PPP1R2: variants seen among roughly 807,000 people sequenced by gnomAD.
The protein encoded by PPP1R2 is protein phosphatase 1 regulatory inhibitor subunit 2, also known as protein phosphatase inhibitor 2.
PPP1R2 carries 16 observed loss-of-function variants against 29.9 expected under a neutral mutation model. That is an observed-to-expected ratio of 0.53 (90% CI 0.36 to 0.81). The LOEUF (loss-of-function observed/expected upper bound fraction) is 0.81, where lower values mean the gene tolerates loss of function less well. Among genes scored for constraint, PPP1R2 ranks in the 30% least tolerant of loss-of-function variants. The pLI is 0.00. For missense variants in PPP1R2, 197 were observed against 252.7 expected (o/e 0.78, Z 1.49); for synonymous variants, 76 against 91.5 (o/e 0.83, Z 0.96).
chr3:195,531,565 C>T (rs568691699), intron 1 of PPP1R2, among the ~76,000 whole-genome samples: 1 of 152,214 alleles, frequency 6.6e-6, no homozygotes, highest in Non-Finnish European at 1.5e-5. Flanking sequence ...GCTTTCTACC[C>T]TAATATACCC....
At position 195,516,888 on chromosome 3, in the gene PPP1R2, A is replaced by G. The variant is rs1442386993; in HGVS notation, c.*8T>C. On this transcript the variant is annotated 3_prime_UTR_variant, in exon 6 of 6. Transcript: ENST00000618156. ...TAACAAACAATTGCAGTGTTGAACA[A>G]ATCTCGTCTATGAACTTCGTAATTT... 2 of 1,610,234 alleles carry G rather than the reference A, an allele frequency of 1.2e-6. No individual in the cohort carries two copies. The highest frequency in any genetic ancestry group is 2.2e-5 in the South Asian group (2 of 90,986).
At chr3:195,517,575 C>A (rs1718593435) in intron 5 of PPP1R2, among the ~76,000 whole-genome samples, 1 of 152,022 alleles carries the variant, frequency 6.6e-6, no homozygotes, top group Non-Finnish European at 1.5e-5. Context: ...AAATTTTAAT[C>A]CTCCATTAAA....
rs369854862 is a variant in PPP1R2 at position 195,541,029 on chromosome 3, T to C, written c.122+1875A>G. 2.1e-4 allele frequency among the ~76,000 whole-genome samples: 32 copies of C among 152,388 alleles called. 2 individuals are homozygous for C. In the South Asian group the frequency reaches 4.3e-3, roughly 21 times the overall value. On this transcript the variant is annotated intron_variant, in intron 1 of 5. Coordinates refer to ENST00000618156, the MANE Select transcript of PPP1R2 (RefSeq NM_006241.8). ...TGAACTTCAATGAATTAGGGTTTGA[T>C]AGTTCTCTTTAAAGACAGGACTGTA...
chr3:195,537,098 C>T (rs1719417011), intron 1 of PPP1R2, among the ~76,000 whole-genome samples: 1 of 151,756 alleles, frequency 6.6e-6, no homozygotes, highest in South Asian at 2.1e-4. Context: ...TATGTATAAG[C>T]TATCAAAACA....
At position 195,529,780 on chromosome 3, in the gene PPP1R2, C is replaced by G. The variant is rs1560439351; in HGVS notation, c.230+14G>C. 6.6e-7 allele frequency: 1 copy of G among 1,524,838 alleles called. No homozygotes were observed. The highest frequency in any genetic ancestry group is 8.9e-7 in the Non-Finnish European group (1 of 1,120,788). 94.5% of individuals were successfully genotyped at this position (1,524,838 alleles called of 1,614,324 possible). ...AAGTAAGTCACAAGAGGAATGACGTCTACGTAACATTACCTATGGTAAGGA... is the reference window on the plus strand; with the variant it reads ...AAGTAAGTCACAAGAGGAATGACGTGTACGTAACATTACCTATGGTAAGGA... On this transcript the variant is annotated intron_variant, in intron 2 of 5. Transcript: ENST00000618156.
rs1054566924 is a variant in PPP1R2, at chr3:195,523,719, C to T, written c.376G>A (p.Asp126Asn). The T allele has an allele frequency of 1.2e-6, 2 of 1,613,802 alleles. No homozygotes were observed. The highest frequency in any genetic ancestry group is 1.7e-6 in the Non-Finnish European group (2 of 1,179,828). The change falls in exon 4 of 6, where the codon GAT (aspartate) becomes AAT (asparagine). Residue 126 changes from aspartate to asparagine, a missense_variant. Coordinates refer to ENST00000618156, the MANE Select transcript of PPP1R2 (RefSeq NM_006241.8). ...IQEQESSGEE[D>N]SDLSPEEREK... ...CGTTCTTCAGGTGAGAGGTCACTAT[C>T]CTCCTCTCCACTGCTTTCTTGTTCC...
At chr3:195,527,190 C>A (rs577422308) in intron 2 of PPP1R2, among the ~76,000 whole-genome samples, 5 of 151,934 alleles carry the variant, frequency 3.3e-5, no homozygotes, top group Non-Finnish European at 7.4e-5. Flanking sequence ...GTGGCTCATG[C>A]CTGTAATCCC....
At chr3:195,527,801 G>C (rs2108945214) in intron 2 of PPP1R2, 1 of 227,112 alleles carries the variant, frequency 4.4e-6, no homozygotes, top group Middle Eastern at 1.7e-3. Context: ...GGGAGTTCCA[G>C]GCTGTAGTGT....
chr3:195,532,775 T>C (rs1305560817), intron 1 of PPP1R2, among the ~76,000 whole-genome samples: 1 of 152,178 alleles, frequency 6.6e-6, no homozygotes, highest in Non-Finnish European at 1.5e-5. Flanking sequence ...ATAAACCACA[T>C]AGCCCAGAAA....
At chr3:195,542,298 G>T (rs1719626171) in intron 1 of PPP1R2, among the ~76,000 whole-genome samples, 1 of 152,220 alleles carries the variant, frequency 6.6e-6, no homozygotes, top group Admixed American at 6.5e-5. Context: ...TTTTACATGT[G>T]TATCTTTAGC....
chr3:195,531,112 C>G (rs952293949), intron 1 of PPP1R2, among the ~76,000 whole-genome samples: 2 of 152,200 alleles, frequency 1.3e-5, no homozygotes, highest in South Asian at 2.1e-4. Flanking sequence ...AGTGAGCCAC[C>G]GTGCCTGGCC....
chr3:195,517,842 G>C (rs932408934), intron 5 of PPP1R2, among the ~76,000 whole-genome samples: 1 of 152,068 alleles, frequency 6.6e-6, no homozygotes, highest in African/African-American at 2.4e-5. Flanking sequence ...GGAAATGAAA[G>C]GCTATATGAA....
chr3:195,537,762 T>G (rs1719450935), intron 1 of PPP1R2, among the ~76,000 whole-genome samples: 1 of 152,150 alleles, frequency 6.6e-6, no homozygotes, highest in Non-Finnish European at 1.5e-5. Context: ...ACTCAACTTG[T>G]TTTCTCAACA....
intron 1 of PPP1R2, 50 bp downstream of exon 1, chr3:195,542,854 C>T (rs536310975): frequency 6.4e-6 from 10 of 1,554,936 alleles, no homozygotes; most frequent in South Asian, 2.4e-5. Flanking sequence ...GGGTAGGTAA[C>T]GGGCCCGGCG....
chr3:195,527,853 T>TAGCC (rs1163490747), intron 2 of PPP1R2: 2 of 362,728 alleles, frequency 5.5e-6, no homozygotes, highest in Non-Finnish European at 1.0e-5. Context: ...CTGGGCAACA[T>TAGCC]AGCCAGATCT....
At chr3:195,527,882 T>TA in intron 2 of PPP1R2, 1 of 374,802 alleles carries the variant, frequency 2.7e-6, no homozygotes, top group Admixed American at 4.1e-5. Flanking sequence ...TTTTTTTTTT[T>TA]AAGATTTTTA....
intron 5 of PPP1R2, among the ~76,000 whole-genome samples, chr3:195,518,434 A>AGG (rs1718629126): frequency 1.3e-5 from 2 of 151,768 alleles, no homozygotes; most frequent in Non-Finnish European, 1.5e-5. Flanking sequence ...GGCGGATCAC[A>AGG]AGGTCAGGAG....
rs71180929 is a variant in PPP1R2, at chr3:195,526,103, AT to A, written c.231-1208del. 1.4e-4 allele frequency among the ~76,000 whole-genome samples: 21 copies of A among 145,978 alleles called. 1 individual carries two copies. The highest frequency in any genetic ancestry group is 1.9e-4 in the Non-Finnish European group (13 of 66,836). Reference sequence around the variant, plus strand: ...TAAAAAGCATCTTCACTTAAATAAAATTTTTTTTTTTTTTGAGACAGGGTCT... The same window carrying A: ...TAAAAAGCATCTTCACTTAAATAAAATTTTTTTTTTTTTGAGACAGGGTCT... On this transcript the variant is annotated intron_variant, in intron 2 of 5. Transcript: ENST00000618156.
rs568208954 is a variant in PPP1R2, at chr3:195,530,861, C to T, written c.123-960G>A. Among the ~76,000 whole-genome samples, 9 of 148,742 alleles carry T rather than the reference C, an allele frequency of 6.1e-5. No individual in the cohort carries two copies. In the East Asian group the frequency reaches 1.0e-3, roughly 17 times the overall value. ...TTTTGAGACAGAGTTTTGCTCTTGTCGCCCAGGCTGGAGTGCAATGGCACG... is the reference window on the plus strand; with the variant it reads ...TTTTGAGACAGAGTTTTGCTCTTGTTGCCCAGGCTGGAGTGCAATGGCACG... On this transcript the variant is annotated intron_variant, in intron 1 of 5. Coordinates refer to ENST00000618156, the MANE Select transcript of PPP1R2 (RefSeq NM_006241.8).
Sources: allele counts gnomAD v4.1 joint callset (sites outside exome capture counted in the v4.1 genomes callset), GRCh38; gene constraint gnomAD v4.1.1; transcripts MANE v1.5; gene names NCBI Gene and HGNC (gene_info 2026-07-23, HGNC 2026-07-21).